Variants in MAGEC3 observed in about 807,000 individuals in gnomAD.
MAGEC3 encodes the protein MAGE family member C3.
In MAGEC3, 34 loss-of-function variants were observed where a neutral mutation model predicts 35.3. That is an observed-to-expected ratio of 0.96 (90% CI 0.73 to 1.28). The LOEUF (loss-of-function observed/expected upper bound fraction) is 1.28, where lower values mean the gene tolerates loss of function less well. Among genes scored for constraint, MAGEC3 ranks in the 50% most tolerant of loss-of-function variants. The probability of loss-of-function intolerance (pLI) is 0.00; values close to 1 mark genes in which losing one functional copy is unlikely to be tolerated. For missense variants in MAGEC3, 561 were observed against 483.6 expected, an observed-to-expected ratio of 1.16 and a Z score of -1.50; for synonymous variants, 202 against 185.6, an observed-to-expected ratio of 1.09 and a Z score of -0.72.
intron 1 of MAGEC3, among the ~76,000 whole-genome samples, chrX:141,843,965 T>G (rs1245189057): frequency 9.0e-6 from 1 of 110,725 alleles, no homozygotes; most frequent in African/African-American, 3.3e-5. Flanking sequence ...TAGTACTTAT[T>G]CCCTTTCTCT....
At chrX:141,890,298 G>A (rs944169566) in intron 4 of MAGEC3, among the ~76,000 whole-genome samples, 4 of 111,002 alleles carry the variant, frequency 3.6e-5, no homozygotes, top group African/African-American at 1.3e-4. Context: ...TCTGCCTCCC[G>A]AGTTCAAGTG....
At chrX:141,890,214 T>C (rs2018031320) in intron 4 of MAGEC3, among the ~76,000 whole-genome samples, 2 of 110,880 alleles carry the variant, frequency 1.8e-5, no homozygotes, top group Admixed American at 1.9e-4. Flanking sequence ...ATTTTTATTT[T>C]TATTTTTTGA....
intron 2 of MAGEC3, among the ~76,000 whole-genome samples, chrX:141,867,764 G>A (rs2017858736): frequency 9.0e-6 from 1 of 111,409 alleles, no homozygotes; most frequent in African/African-American, 3.3e-5. Flanking sequence ...AGTGAGTAAA[G>A]CAATTCCTGC....
intron 7 of MAGEC3, 32 bp from the exon 8 acceptor site, chrX:141,897,597 T>G: frequency 8.3e-7 from 1 of 1,200,690 alleles, no homozygotes; most frequent in Non-Finnish European, 1.1e-6. Context: ...ACAGTGCTCC[T>G]CCACGTTATG....
chrX:141,881,354 A>C (rs1238388837), intron 3 of MAGEC3, 49 bp from the exon 4 acceptor site: 1 of 1,155,091 alleles, frequency 8.7e-7, no homozygotes. Flanking sequence ...AGCCCATTCA[A>C]TGAAGAGCCT....
At chrX:141,886,042 C>T (rs144064141) in intron 4 of MAGEC3, among the ~76,000 whole-genome samples, 2,913 of 110,781 alleles carry the variant, frequency 0.026, 102 homozygotes, top group African/African-American at 0.086. Context: ...AATTGTATCC[C>T]GAGGTGCAGG....
chrX:141,887,138 A>G (rs1482914679), intron 4 of MAGEC3, among the ~76,000 whole-genome samples: 1 of 112,597 alleles, frequency 8.9e-6, no homozygotes, highest in African/African-American at 3.2e-5. Context: ...GATTTGGCAA[A>G]TGCCTTTTTC....
chrX:141,855,701 T>C (rs762913302), intron 1 of MAGEC3, among the ~76,000 whole-genome samples: 4 of 111,932 alleles, frequency 3.6e-5, no homozygotes, highest in African/African-American at 9.7e-5. Context: ...ATTAAACTTA[T>C]GCTTTTCATT....
At chrX:141,891,604 G>T (rs2018041390) in intron 4 of MAGEC3, among the ~76,000 whole-genome samples, 1 of 107,849 alleles carries the variant, frequency 9.3e-6, no homozygotes, top group African/African-American at 3.4e-5. Flanking sequence ...CCACAATGTG[G>T]TGTGTAAATT....
chrX:141,852,904 A>C (rs923961960), intron 1 of MAGEC3, among the ~76,000 whole-genome samples: 4 of 111,128 alleles, frequency 3.6e-5, no homozygotes, highest in Non-Finnish European at 7.6e-5. Context: ...AATTTTTAAA[A>C]TCTGGTTTGG....
chrX:141,857,756 C>T (rs1394664514), intron 1 of MAGEC3, among the ~76,000 whole-genome samples: 3 of 111,122 alleles, frequency 2.7e-5, no homozygotes, highest in African/African-American at 9.8e-5. Context: ...ACACGCACCA[C>T]CCTCACTCCA....
At chrX:141,853,579 T>C (rs2017763623) in intron 1 of MAGEC3, among the ~76,000 whole-genome samples, 1 of 112,032 alleles carries the variant, frequency 8.9e-6, no homozygotes, top group African/African-American at 3.2e-5. Flanking sequence ...TCTGCTAAAT[T>C]TATTTCTCTT....
At chrX:141,888,839 A>T (rs1266126569) in intron 4 of MAGEC3, among the ~76,000 whole-genome samples, 5 of 112,170 alleles carry the variant, frequency 4.5e-5, no homozygotes, top group African/African-American at 1.6e-4. Flanking sequence ...TTTCCTCAGG[A>T]TGATCAGCCA....
At chrX:141,876,934 T>C (rs1330857176) in intron 2 of MAGEC3, among the ~76,000 whole-genome samples, 3 of 112,388 alleles carry the variant, frequency 2.7e-5, no homozygotes, top group African/African-American at 9.7e-5. Context: ...TCTCAAACTC[T>C]TCATTATAGT....
chrX:141,844,932 T>G (rs1462121604), intron 1 of MAGEC3, among the ~76,000 whole-genome samples: 4 of 102,613 alleles, frequency 3.9e-5, no homozygotes, highest in Non-Finnish European at 7.8e-5. Context: ...AATTGGTAAT[T>G]TTTTTTTAAG....
intron 4 of MAGEC3, among the ~76,000 whole-genome samples, chrX:141,893,548 A>G (rs2124127588): frequency 9.1e-6 from 1 of 110,076 alleles, no homozygotes; most frequent in African/African-American, 3.3e-5. Context: ...CCTGATGTAA[A>G]CTGTGGACTT....
intron 1 of MAGEC3, among the ~76,000 whole-genome samples, chrX:141,840,487 G>C (rs1432617211): frequency 9.0e-6 from 1 of 111,587 alleles, no homozygotes; most frequent in Non-Finnish European, 1.9e-5. Context: ...ATATTATTTT[G>C]AATTTGTTCT....
In MAGEC3 at chrX:141,897,030, G is replaced by A. The variant is rs142128572; in HGVS notation, c.1272G>A (p.Leu424=). 104 of 1,209,135 alleles carry A rather than the reference G, an allele frequency of 8.6e-5. 1 individual carries two copies. The African/African-American group carries it at 1.7e-3, about 20-fold the overall frequency. ...SPLDSCSSPL[L]WTRLDEESSS... is the part of the protein sequence containing the mutation. ...TAGACTCCTGCTCATCCCCTCTTTTGTGGACCCGATTGGATGAGGAGTCCA... is the reference window on the plus strand; with the variant it reads ...TAGACTCCTGCTCATCCCCTCTTTTATGGACCCGATTGGATGAGGAGTCCA... Residue 424 remains leucine, a synonymous_variant, in exon 7 of 8, where the codon TTG becomes TTA. Transcript: ENST00000298296.
chrX:141,841,669 T>C (rs983178256), intron 1 of MAGEC3, among the ~76,000 whole-genome samples: 1 of 111,942 alleles, frequency 8.9e-6, no homozygotes, highest in East Asian at 2.8e-4. Context: ...TCAAGTAATA[T>C]CTGTTTACTG....
Sources: gnomAD v4.1 joint callset for allele counts (sites outside exome capture counted in the v4.1 genomes callset) on GRCh38, gnomAD v4.1.1 for gene constraint, MANE v1.5 for transcripts, NCBI Gene and HGNC (gene_info 2026-07-23, HGNC 2026-07-21) for gene names.